The following PRKCI variants were observed in gnomAD, a reference collection of about 807,000 sequenced individuals.
PRKCI encodes protein kinase C iota type.
A neutral mutation model predicts 84.0 loss-of-function variants in PRKCI; 43 were observed. That is an observed-to-expected ratio of 0.51 (90% confidence interval 0.40 to 0.66). The LOEUF (loss-of-function observed/expected upper bound fraction) is 0.66. PRKCI is among the 30% of genes least tolerant of loss of function. The pLI, the probability that PRKCI is intolerant of heterozygous loss-of-function variation, is 0.00. For missense variants in PRKCI, 459 were observed against 745.6 expected (o/e 0.62, Z 4.48); for synonymous variants, 216 against 234.4 (o/e 0.92, Z 0.72).
intron 1 of PRKCI, among the ~76,000 whole-genome samples, chr3:170,228,535 A>C (rs2108833895): frequency 6.6e-6 from 1 of 151,996 alleles, no homozygotes; most frequent in East Asian, 1.9e-4. Context: ...TGATTGCACC[A>C]CTGCACTCCA....
intron 1 of PRKCI, among the ~76,000 whole-genome samples, chr3:170,233,188 A>G (rs1732848555): frequency 1.0e-5 from 1 of 96,264 alleles, no homozygotes; most frequent in African/African-American, 3.8e-5. Flanking sequence ...AAAAGCTTAC[A>G]CTGAGGTAGC....
intron 8 of PRKCI, among the ~76,000 whole-genome samples, chr3:170,276,544 C>A (rs1156635182): frequency 1.3e-5 from 2 of 151,838 alleles, no homozygotes; most frequent in African/African-American, 4.8e-5. Context: ...ACAGCCTCAA[C>A]TTCTTGAGTT....
At chr3:170,264,138 C>T (rs1733802055) in intron 4 of PRKCI, among the ~76,000 whole-genome samples, 1 of 151,958 alleles carries the variant, frequency 6.6e-6, no homozygotes, top group South Asian at 2.1e-4. Flanking sequence ...CTCATATATG[C>T]ATGCACAGTT....
rs1734757250 is a variant in PRKCI at position 170,299,018 on chromosome 3, T to A, written c.1611T>A (p.Pro537=). ...AGATGGAGCAAAAACAGGTGGTACC[T>A]CCCTTTAAACCAAATATTTCTGGGG... is the stretch of plus-strand genomic sequence containing the variant. ...WDMMEQKQVV[P]PFKPNISGEF... Residue 537 remains proline, a synonymous_variant, in exon 17 of 18, where the codon CCT becomes CCA. Coordinates refer to ENST00000295797, the MANE Select transcript of PRKCI (RefSeq NM_002740.6). 6.2e-7 allele frequency: 1 copy of A among 1,612,722 alleles called. No homozygotes were observed. The highest frequency in any genetic ancestry group is 1.3e-5 in the African/African-American group (1 of 74,886).
rs142464745 is a variant in PRKCI at position 170,271,470 on chromosome 3, T to C, written c.591+909T>C. Among the ~76,000 whole-genome samples the C allele has an allele frequency of 8.9e-4, 135 of 152,320 alleles. 2 individuals are homozygous for C. Among genetic ancestry groups the C allele is most frequent in the African/African-American group, 3.1e-3 (130 of 41,576 alleles). ...TGTTCTCATAAATATTATAATTTTG[T>C]TTTTATAGTTTTCATTATGAATCAG... On this transcript the variant is annotated intron_variant, in intron 6 of 17. Coordinates refer to ENST00000295797, the MANE Select transcript of PRKCI (RefSeq NM_002740.6).
chr3:170,280,262 C>T lies in PRKCI; in HGVS notation c.741C>T (p.Ser247=), dbSNP rs1734209898. The T allele has an allele frequency of 6.2e-7, 1 of 1,612,068 alleles. No individual in the cohort carries two copies. Among genetic ancestry groups the T allele is most frequent in the African/African-American group, 1.3e-5 (1 of 74,792 alleles). The part of the protein sequence containing the change: ...MNTRESGKAS[S]SLGLQDFDLL... ...CCAGGGAAAGTGGCAAAGCTTCATC[C>T]AGTCTAGGTCTTCAGGATTTTGATT... Residue 247 remains serine (S), a synonymous_variant, in exon 9 of 18, where the codon TCC becomes TCT. Coordinates refer to ENST00000295797, the MANE Select transcript of PRKCI (RefSeq NM_002740.6).
At chr3:170,239,348 C>T (rs185724262) in intron 2 of PRKCI, among the ~76,000 whole-genome samples, 3 of 152,254 alleles carry the variant, frequency 2.0e-5, no homozygotes, top group East Asian at 3.9e-4. Flanking sequence ...GAAAATGAGA[C>T]TATATATAAT....
chr3:170,268,270 C>T (rs1453295702), intron 5 of PRKCI, among the ~76,000 whole-genome samples: 1 of 149,210 alleles, frequency 6.7e-6, no homozygotes, highest in Non-Finnish European at 1.5e-5. Flanking sequence ...CAGTTGAGGC[C>T]AGGAGTTCAT....
rs367857779 is a variant in PRKCI at position 170,305,693 on chromosome 3, C to T, written c.*2566C>T. The T allele has an allele frequency of 7.9e-5, 12 of 152,110 alleles. No homozygotes were observed. Among genetic ancestry groups the T allele is most frequent in the African/African-American group, 2.4e-4 (10 of 41,426 alleles). The allele number at this position is 152,110 out of a possible 1,614,324, so 9.4% of individuals were successfully genotyped here. ...TTCTTATATTCTATAGAAGTTCGCT[C>T]AAAATACTCAACAGGGGAATAGGCA... On this transcript the variant is annotated 3_prime_UTR_variant, in exon 18 of 18. Coordinates refer to ENST00000295797, the MANE Select transcript of PRKCI (RefSeq NM_002740.6).
At chr3:170,277,102 AT>A (rs1375592268) in intron 8 of PRKCI, among the ~76,000 whole-genome samples, 4 of 150,280 alleles carry the variant, frequency 2.7e-5, no homozygotes, top group African/African-American at 9.9e-5. Flanking sequence ...AAAAAAAAAA[AT>A]TAGGGCGTGG....
intron 8 of PRKCI, among the ~76,000 whole-genome samples, chr3:170,277,048 C>T (rs1414307546): frequency 2.0e-5 from 3 of 149,412 alleles, no homozygotes; most frequent in South Asian, 4.3e-4. Context: ...TGAGATCAGC[C>T]TGGCTGACAT....
At chr3:170,271,978 T>A (rs1180905265) in intron 6 of PRKCI, among the ~76,000 whole-genome samples, 1 of 152,088 alleles carries the variant, frequency 6.6e-6, no homozygotes, top group African/African-American at 2.4e-5. Context: ...GGATTACAGG[T>A]GTGTGCCACC....
At chr3:170,292,432 T>G (rs1198129650) in intron 13 of PRKCI, among the ~76,000 whole-genome samples, 2 of 152,190 alleles carry the variant, frequency 1.3e-5, no homozygotes, top group Admixed American at 1.3e-4. Context: ...AGATTAACTG[T>G]ATCTCAGGCA....
At chr3:170,292,048 A>G (rs934948983) in intron 13 of PRKCI, 107 bp downstream of exon 13, 1 of 795,854 alleles carries the variant, frequency 1.3e-6, no homozygotes, top group Non-Finnish European at 2.1e-6. Flanking sequence ...GATCTTATTA[A>G]TATAAGGATT....
chr3:170,270,381 C>T, intron 5 of PRKCI, 40 bp from the exon 6 acceptor site: 1 of 1,557,264 alleles, frequency 6.4e-7, no homozygotes, highest in Non-Finnish European at 8.7e-7. Context: ...TGGTTATGAC[C>T]TTCTTGGTTA....
chr3:170,238,845 C>A (rs1211466234), intron 2 of PRKCI, among the ~76,000 whole-genome samples: 1 of 152,132 alleles, frequency 6.6e-6, no homozygotes, highest in Non-Finnish European at 1.5e-5. Context: ...CCCGCCTTGG[C>A]CTCCCAAAGT....
At chr3:170,240,065 G>A (rs1311619915) in intron 2 of PRKCI, among the ~76,000 whole-genome samples, 1 of 152,082 alleles carries the variant, frequency 6.6e-6, no homozygotes, top group Admixed American at 6.5e-5. Flanking sequence ...AAAAAGCTAA[G>A]GTGGAAGGAT....
intron 7 of PRKCI, 27 bp downstream of exon 7, chr3:170,273,367 T>C: frequency 6.2e-7 from 1 of 1,605,282 alleles, no homozygotes; most frequent in Non-Finnish European, 8.5e-7. Context: ...CACAACCCAT[T>C]GTTCATTCAC....
At chr3:170,235,155 G>T in intron 1 of PRKCI, 75 bp from the exon 2 acceptor site, 1 of 1,437,470 alleles carries the variant, frequency 7.0e-7, no homozygotes, top group Non-Finnish European at 9.6e-7. Flanking sequence ...TCATCAAATT[G>T]TCAAGCATTC....
Sources: allele counts gnomAD v4.1 joint callset (sites outside exome capture counted in the v4.1 genomes callset), GRCh38; gene constraint gnomAD v4.1.1; transcripts MANE v1.5; gene names NCBI Gene and HGNC (gene_info 2026-07-23, HGNC 2026-07-21).